CHSY3: variants seen among roughly 807,000 people sequenced by gnomAD.
The protein encoded by CHSY3 is chondroitin sulfate synthase 3, also known as N-acetylgalactosaminyl-proteoglycan 3-beta-glucuronosyltransferase 3.
CHSY3 carries 35 observed loss-of-function variants against 67.2 expected under a neutral mutation model. The ratio of observed to expected loss-of-function variants is 0.52; its 90% CI spans 0.40 to 0.69. CHSY3 has a LOEUF of 0.69. Ranked by LOEUF, CHSY3 falls within the 30% of genes least tolerant of loss-of-function variation. The pLI is 0.00. For synonymous variants in CHSY3, 474 were observed against 434.7 expected, an observed-to-expected ratio of 1.09 and a Z score of -1.12; for missense variants, 1,069 against 1,138.5, an observed-to-expected ratio of 0.94 and a Z score of 0.88.
intron 2 of CHSY3, among the ~76,000 whole-genome samples, chr5:130,004,895 T>G (rs1286518353): frequency 3.3e-5 from 5 of 152,184 alleles, no homozygotes; most frequent in Non-Finnish European, 4.4e-5. Flanking sequence ...GATGCTGCAA[T>G]TTTTGTTATA....
intron 2 of CHSY3, among the ~76,000 whole-genome samples, chr5:130,088,728 G>C (rs1194893500): frequency 6.6e-6 from 1 of 152,140 alleles, no homozygotes; most frequent in African/African-American, 2.4e-5. Flanking sequence ...AACAACAGGT[G>C]CTGGAGAGGA....
intron 2 of CHSY3, among the ~76,000 whole-genome samples, chr5:130,018,354 A>C (rs958662165): frequency 1.2e-4 from 19 of 152,198 alleles, no homozygotes; most frequent in Middle Eastern, 3.2e-3. Flanking sequence ...CTGATGTTAT[A>C]ACAAGTATCC....
intron 2 of CHSY3, among the ~76,000 whole-genome samples, chr5:130,052,837 C>T (rs1765406291): frequency 2.0e-5 from 3 of 151,988 alleles, no homozygotes; most frequent in Non-Finnish European, 1.5e-5. Flanking sequence ...TTTCTCAATG[C>T]TACATAAGAC....
At chr5:129,903,987 C>A (rs561373799), upstream of CHSY3, among the ~76,000 whole-genome samples, 1 of 152,240 alleles carries the variant, frequency 6.6e-6, no homozygotes, top group African/African-American at 2.4e-5. Flanking sequence ...CAGGACGTAC[C>A]CGGCTGTGGG....
At chr5:130,178,253 A>T (rs75777907) in intron 2 of CHSY3, among the ~76,000 whole-genome samples, 10,206 of 46,134 alleles carry the variant, frequency 0.22, 1,414 homozygotes, top group African/African-American at 0.3. Context: ...ATATATATAT[A>T]TTTTTTTTTT....
intron 2 of CHSY3, among the ~76,000 whole-genome samples, chr5:129,977,480 T>C (rs1762846216): frequency 6.6e-6 from 1 of 152,186 alleles, no homozygotes; most frequent in East Asian, 1.9e-4. Flanking sequence ...ATAAGTTGAA[T>C]ATATATTTGT....
intron 2 of CHSY3, among the ~76,000 whole-genome samples, chr5:130,042,523 T>G (rs931591518): frequency 6.6e-6 from 1 of 152,166 alleles, no homozygotes; most frequent in African/African-American, 2.4e-5. Context: ...TTTTATTTGA[T>G]AGCAACCTGC....
At chr5:130,124,160 A>AT (rs2149710280) in intron 2 of CHSY3, among the ~76,000 whole-genome samples, 1 of 152,052 alleles carries the variant, frequency 6.6e-6, no homozygotes, top group East Asian at 1.9e-4. Context: ...AGAAAACAGA[A>AT]TTTTTTGGAT....
chr5:130,054,877 G>T (rs1259513717), intron 2 of CHSY3, among the ~76,000 whole-genome samples: 1 of 152,126 alleles, frequency 6.6e-6, no homozygotes, highest in East Asian at 1.9e-4. Context: ...TGTCCTCTAG[G>T]TATGGAGGCT....
At chr5:129,956,171 AT>A (rs990965996) in intron 2 of CHSY3, among the ~76,000 whole-genome samples, 5 of 151,916 alleles carry the variant, frequency 3.3e-5, no homozygotes, top group African/African-American at 9.6e-5. Context: ...GTGTATAAGC[AT>A]TTTTTTTCTC....
At chr5:130,050,393 G>T (rs1320411621) in intron 2 of CHSY3, among the ~76,000 whole-genome samples, 1 of 152,004 alleles carries the variant, frequency 6.6e-6, no homozygotes, top group Non-Finnish European at 1.5e-5. Flanking sequence ...ACATCATCTG[G>T]CAACTAGAAC....
intron 2 of CHSY3, among the ~76,000 whole-genome samples, chr5:130,060,872 C>A (rs1222745141): frequency 1.3e-5 from 2 of 151,994 alleles, no homozygotes; most frequent in Non-Finnish European, 2.9e-5. Flanking sequence ...GGTGACAGAT[C>A]TCTAAAAGGA....
intron 2 of CHSY3, among the ~76,000 whole-genome samples, chr5:130,122,138 A>G (rs778087890): frequency 6.6e-6 from 1 of 152,224 alleles, no homozygotes; most frequent in Non-Finnish European, 1.5e-5. Flanking sequence ...TAAGTAAACA[A>G]TTGATATAAT....
chr5:130,089,171 G>T (rs1455863625), intron 2 of CHSY3, among the ~76,000 whole-genome samples: 1 of 141,744 alleles, frequency 7.1e-6, no homozygotes, highest in Non-Finnish European at 1.5e-5. Flanking sequence ...GAATTGAAGA[G>T]TGAGAACACA....
intron 2 of CHSY3, among the ~76,000 whole-genome samples, chr5:130,138,420 T>A (rs1262200824): frequency 6.6e-6 from 1 of 152,146 alleles, no homozygotes; most frequent in Non-Finnish European, 1.5e-5. Flanking sequence ...CAGGGCCACA[T>A]GGTTCTGGTG....
At chr5:130,162,262 A>G (rs1432493322) in intron 2 of CHSY3, among the ~76,000 whole-genome samples, 1 of 152,110 alleles carries the variant, frequency 6.6e-6, no homozygotes, top group Non-Finnish European at 1.5e-5. Context: ...GCACATTTAA[A>G]TAATGTATGA....
intron 2 of CHSY3, among the ~76,000 whole-genome samples, chr5:130,017,616 G>A (rs1452918602): frequency 6.6e-6 from 1 of 151,964 alleles, no homozygotes; most frequent in African/African-American, 2.4e-5. Flanking sequence ...CTCTTTTTGA[G>A]GAAATCTCAC....
rs114958191 is a variant in CHSY3 at position 130,117,178 on chromosome 5, G to A, written c.1087-67051G>A. Among the ~76,000 whole-genome samples, 633 of 152,306 alleles carry A rather than the reference G, an allele frequency of 4.2e-3. 7 individuals are homozygous for A. Among genetic ancestry groups the A allele is most frequent in the South Asian group, 0.035 (171 of 4,830 alleles). On this transcript the variant is annotated intron_variant, in intron 2 of 2. Transcript: ENST00000305031. ...GACCAGCAGGGTCTGGGAGCCCTAC[G>A]GGTGGTGCTGGAGCACAAGGAATTG... is the stretch of plus-strand genomic sequence containing the variant.
chr5:129,975,176 C>T lies in CHSY3; in HGVS notation c.1086+66816C>T, dbSNP rs541259707. On this transcript the variant is annotated intron_variant, in intron 2 of 2. Transcript: ENST00000305031. ...CACCAACATGGCACATGTATACATA[C>T]GTAACAAAACTGCACATTGTGCACA... Among the ~76,000 whole-genome samples, 601 of 151,834 alleles carry T rather than the reference C, an allele frequency of 4.0e-3. 3 individuals are homozygous for T. The highest frequency in any genetic ancestry group is 0.014 in the African/African-American group (569 of 41,436).
Sources: gnomAD v4.1 joint callset for allele counts (sites outside exome capture counted in the v4.1 genomes callset) on GRCh38, gnomAD v4.1.1 for gene constraint, MANE v1.5 for transcripts, NCBI Gene and HGNC (gene_info 2026-07-23, HGNC 2026-07-21) for gene names.